The following NTM variants were observed in gnomAD, a reference collection of about 807,000 sequenced individuals.
NTM encodes neurotrimin, also known as IgLON family member 2.
Under a neutral mutation model 42.1 loss-of-function variants are expected in NTM, and 13 were observed. The ratio of observed to expected loss-of-function variants is 0.31; its 90% CI spans 0.20 to 0.49. NTM has a LOEUF of 0.49. NTM is among the 20% of genes least tolerant of loss of function. The pLI is 0.99. For missense variants in NTM, 373 were observed against 452.8 expected (o/e 0.82, Z 1.60); for synonymous variants, 187 against 179.2 (o/e 1.04, Z -0.35).
chr11:132,203,997 C>G (rs532273227), intron 3 of NTM, among the ~76,000 whole-genome samples: 1 of 152,282 alleles, frequency 6.6e-6, no homozygotes, highest in South Asian at 2.1e-4. Flanking sequence ...TATCGGTATC[C>G]TCATCTGTAA....
Position 132,003,626 on chromosome 11 carries a change from G to C in NTM, c.167+91978G>C, listed in dbSNP as rs2069944638. Among the ~76,000 whole-genome samples, 1 of 152,096 alleles carries C rather than the reference G, an allele frequency of 6.6e-6. No homozygotes were observed. Among genetic ancestry groups the C allele is most frequent in the Non-Finnish European group, 1.5e-5 (1 of 68,020 alleles). ...ACCACACTTTGAGAATGTGCTTTCA[G>C]CTCAGCTCTGTTGTTCACTCAAGAA... On this transcript the variant is annotated intron_variant, in intron 2 of 8. Transcript: ENST00000683400. This position sits in a 1 kb window ranked among gnomAD's most constrained non-coding sequence, Gnocchi z 6.0.
At chr11:132,020,790 G>T (rs1362706210) in intron 2 of NTM, among the ~76,000 whole-genome samples, 1 of 151,988 alleles carries the variant, frequency 6.6e-6, no homozygotes, top group Non-Finnish European at 1.5e-5. Flanking sequence ...TAATTTTTTT[G>T]GATGGCTATC....
chr11:131,845,537 C>T (rs974254355), intron 1 of NTM, among the ~76,000 whole-genome samples: 1 of 151,864 alleles, frequency 6.6e-6, no homozygotes, highest in Non-Finnish European at 1.5e-5. Flanking sequence ...ACCAGAGAGC[C>T]GGGGGAACAA....
intron 2 of NTM, among the ~76,000 whole-genome samples, chr11:132,063,236 C>T (rs576414704): frequency 2.0e-5 from 3 of 152,304 alleles, no homozygotes; most frequent in East Asian, 3.9e-4. Flanking sequence ...CCGAAATGCT[C>T]CTCCTCCAAA....
At chr11:131,655,866 AG>A (rs2067120306) in intron 1 of NTM, among the ~76,000 whole-genome samples, 1 of 152,260 alleles carries the variant, frequency 6.6e-6, no homozygotes, top group Non-Finnish European at 1.5e-5. Context: ...GCAGCATAGA[AG>A]CAGTGCCTTT....
chr11:131,495,265 TGTCGGTA>T lies in NTM; in HGVS notation c.82+124381_82+124387del, dbSNP rs537857388. Among the ~76,000 whole-genome samples, 7 of 152,324 alleles carry T rather than the reference TGTCGGTA, an allele frequency of 4.6e-5. No homozygotes were observed. The East Asian group carries it at 1.3e-3, about 29-fold the overall frequency. On this transcript the variant is annotated intron_variant, in intron 1 of 8. Coordinates refer to ENST00000683400, the MANE Select transcript of NTM (RefSeq NM_001352005.2). ...CCACTTGCCATTCAAAGAATCCTGC[TGTCGGTA>T]GTCCTCTCTCCCACACTCCCCCGCC...
At chr11:131,520,987 T>C (rs866278008) in intron 1 of NTM, among the ~76,000 whole-genome samples, 38 of 152,224 alleles carry the variant, frequency 2.5e-4, no homozygotes, top group South Asian at 1.0e-3. Context: ...GGGAAACCAG[T>C]GTGTGCAGAG....
chr11:131,776,327 T>C (rs983372118), intron 1 of NTM, among the ~76,000 whole-genome samples: 2 of 152,220 alleles, frequency 1.3e-5, no homozygotes, highest in African/African-American at 4.8e-5. Flanking sequence ...GCTAATTTTA[T>C]CTTGAACTCA....
At chr11:131,690,063 A>G (rs1362831947) in intron 1 of NTM, among the ~76,000 whole-genome samples, 1 of 152,108 alleles carries the variant, frequency 6.6e-6, no homozygotes, top group Non-Finnish European at 1.5e-5. Context: ...TCTCATGATC[A>G]CTCATGATGA....
chr11:131,637,150 T>C (rs942471521), intron 1 of NTM, among the ~76,000 whole-genome samples: 1 of 152,098 alleles, frequency 6.6e-6, no homozygotes, highest in Non-Finnish European at 1.5e-5. Flanking sequence ...CCAACAATGC[T>C]GTGCTCACTT....
intron 1 of NTM, among the ~76,000 whole-genome samples, chr11:131,717,900 G>C (rs1038002483): frequency 2.0e-5 from 3 of 152,142 alleles, no homozygotes; most frequent in African/African-American, 7.2e-5. Flanking sequence ...AATTTGCTGA[G>C]AGGTTTATAA....
At chr11:132,131,443 G>A (rs925734725) in intron 2 of NTM, among the ~76,000 whole-genome samples, 1 of 152,192 alleles carries the variant, frequency 6.6e-6, no homozygotes, top group African/African-American at 2.4e-5. Context: ...AAATACACAG[G>A]CCCTGCCTTC....
intron 2 of NTM, among the ~76,000 whole-genome samples, chr11:132,005,405 G>C (rs977790131): frequency 1.3e-5 from 2 of 152,150 alleles, no homozygotes; most frequent in African/African-American, 4.8e-5. Context: ...CTTGAAGGCA[G>C]GAGCTCTGTT....
chr11:132,241,050 T>A (rs2090108505), intron 4 of NTM, among the ~76,000 whole-genome samples: 1 of 152,246 alleles, frequency 6.6e-6, no homozygotes, highest in Non-Finnish European at 1.5e-5. Context: ...TGTCTAAAAT[T>A]ACCTTTAGGC....
intron 2 of NTM, among the ~76,000 whole-genome samples, chr11:132,114,901 T>G (rs181735452): frequency 0.013 from 2,008 of 152,318 alleles, 25 homozygotes; most frequent in Non-Finnish European, 0.02. Flanking sequence ...AATGCTGCAG[T>G]GAACATGGGA....
rs1555127048 is a variant in NTM, at chr11:131,789,429, G to GAAGAAGAAGAAGAA, written c.83-122135_83-122134insAAGAAGAAGAAGAA. 1.7e-4 allele frequency among the ~76,000 whole-genome samples: 2 copies of GAAGAAGAAGAAGAA among 11,964 alleles called. 1 individual carries two copies. The highest frequency in any genetic ancestry group is 1.0e-3 in the African/African-American group (2 of 1,924). The allele number at this position is 11,964 out of a possible 152,430, so 7.8% of individuals were successfully genotyped here. On this transcript the variant is annotated intron_variant, in intron 1 of 8. Transcript: ENST00000683400. ...TGCAGTTAAAAGAAAAAAAGAAGAA[G>GAAGAAGAAGAAGAA]GAAGAAGAAGAAGAAGAAGAAGAAG...
At chr11:131,922,399 A>G (rs2057358163) in intron 2 of NTM, 1 of 152,224 alleles carries the variant, frequency 6.6e-6, no homozygotes, top group Non-Finnish European at 1.5e-5. Flanking sequence ...TAATGATGAC[A>G]TTCAAACTGG....
intron 1 of NTM, among the ~76,000 whole-genome samples, chr11:131,655,717 A>G (rs2067099770): frequency 6.6e-6 from 1 of 152,272 alleles, no homozygotes; most frequent in Non-Finnish European, 1.5e-5. Context: ...ACATTGTTCG[A>G]TCTGACTGTG....
rs2095871669 is a variant in NTM, at chr11:132,336,315, G to A, written c.*1169G>A. The A allele has an allele frequency of 6.6e-6, 1 of 152,206 alleles. No homozygotes were observed. Among genetic ancestry groups the A allele is most frequent in the Non-Finnish European group, 1.5e-5 (1 of 67,968 alleles). 9.4% of individuals were successfully genotyped at this position (152,206 alleles called of 1,614,324 possible). ...AAGATGATAGAGTTTACTGGTAATT[G>A]TGTAATCAGCTCCTGCCTTTTTATT... On this transcript the variant is annotated 3_prime_UTR_variant, in exon 9 of 9. Transcript: ENST00000683400.
Sources: gnomAD v4.1 joint callset for allele counts (sites outside exome capture counted in the v4.1 genomes callset) on GRCh38, gnomAD v4.1.1 for gene constraint, Gnocchi (gnomAD v3.1) non-coding constraint, MANE v1.5 for transcripts, NCBI Gene and HGNC (gene_info 2026-07-23, HGNC 2026-07-21) for gene names.